Variants in TMEM217 observed in about 807,000 individuals in gnomAD.
TMEM217 encodes transmembrane protein 217.
For missense variants in TMEM217, 204 were observed against 248.8 expected (o/e 0.82, Z 1.21); for synonymous variants, 76 against 88.3 (o/e 0.86, Z 0.78).
intron 1 of TMEM217, among the ~76,000 whole-genome samples, chr6:37,237,271 G>C (rs1172010799): frequency 1.3e-5 from 2 of 152,270 alleles, no homozygotes; most frequent in African/African-American, 4.8e-5. Context: ...GGAAACAAAA[G>C]TCATCATGAC....
chr6:37,251,428 G>A (rs6933701), intron 1 of TMEM217, among the ~76,000 whole-genome samples: 4,852 of 143,448 alleles, frequency 0.034, 246 homozygotes, highest in African/African-American at 0.12. Context: ...TGTTGAATGA[G>A]CAATGCTCAA....
chr6:37,223,257 C>A (rs1763645125), intron 1 of TMEM217, among the ~76,000 whole-genome samples: 1 of 151,894 alleles, frequency 6.6e-6, no homozygotes, highest in Admixed American at 6.6e-5. Flanking sequence ...TGCACAGATT[C>A]AAGAAACCTA....
downstream of TMEM217, among the ~76,000 whole-genome samples, chr6:37,216,022 TGTGTGTGTGTGA>T (rs1308713931): frequency 1.2e-4 from 10 of 86,324 alleles, no homozygotes; most frequent in Admixed American, 1.2e-3. Context: ...TGTGTGTGTG[TGTGTGTGTGTGA>T]GAAACAGATA....
chr6:37,219,183 A>C, intron 1 of TMEM217, 142 bp from the exon 2 acceptor site: 2 of 735,196 alleles, frequency 2.7e-6, no homozygotes, highest in Non-Finnish European at 4.4e-6. Context: ...CCTTGGGAAG[A>C]CACAGGCTGT....
chr6:37,212,808 G>A (rs1762982602), downstream of TMEM217: 1 of 804,826 alleles, frequency 1.2e-6, no homozygotes, highest in African/African-American at 1.7e-5. Context: ...TAGCCCTGTG[G>A]AACAGGGTCC....
chr6:37,246,841 C>T (rs1010953132), intron 1 of TMEM217, among the ~76,000 whole-genome samples: 4 of 151,260 alleles, frequency 2.6e-5, no homozygotes, highest in Admixed American at 1.3e-4. Context: ...AGGTCAAGGC[C>T]GCAGTGAGCC....
In TMEM217 at chr6:37,257,843, C is replaced by A; in HGVS notation, c.-287G>T. The A allele has an allele frequency of 6.5e-7, 1 of 1,539,116 alleles. No individual in the cohort carries two copies. ...CGGGGAAGCGGCCTGGGTTGGCCCT[C>A]AGATTGCGGGGTCTGGGGGCATCTC... On this transcript the variant is annotated 5_prime_UTR_variant, in exon 1 of 2. The change abolishes the stop of an existing upstream ORF in the 5' untranslated region. Transcript: ENST00000357219.
At chr6:37,254,099 A>G (rs1224699323) in intron 1 of TMEM217, among the ~76,000 whole-genome samples, 4 of 152,230 alleles carry the variant, frequency 2.6e-5, no homozygotes, top group African/African-American at 9.6e-5. Flanking sequence ...TAGTAACAGA[A>G]GATCTATAAA....
chr6:37,232,364 T>C (rs990056103), intron 1 of TMEM217, among the ~76,000 whole-genome samples: 11 of 152,292 alleles, frequency 7.2e-5, no homozygotes, highest in African/African-American at 2.2e-4. Flanking sequence ...CCCTATGCAA[T>C]AGTTTTTTCT....
chr6:37,249,366 T>C (rs1765268307), intron 1 of TMEM217, among the ~76,000 whole-genome samples: 1 of 152,160 alleles, frequency 6.6e-6, no homozygotes, highest in Non-Finnish European at 1.5e-5. Flanking sequence ...GTTGCCTACG[T>C]TGGAGTGCAG....
At chr6:37,257,220 T>A (rs1049476006) in intron 1 of TMEM217, among the ~76,000 whole-genome samples, 1 of 152,218 alleles carries the variant, frequency 6.6e-6, no homozygotes, top group African/African-American at 2.4e-5. Flanking sequence ...GCACAAGTCC[T>A]TCAATCGTTT....
At chr6:37,257,196 A>G (rs1583507225) in intron 1 of TMEM217, among the ~76,000 whole-genome samples, 1 of 152,350 alleles carries the variant, frequency 6.6e-6, no homozygotes, top group African/African-American at 2.4e-5. Flanking sequence ...GATCATTTGA[A>G]TTTTTAACCC....
intron 1 of TMEM217, among the ~76,000 whole-genome samples, chr6:37,231,671 CAAA>C (rs1216609836): frequency 1.7e-5 from 1 of 60,398 alleles, no homozygotes; most frequent in African/African-American, 6.2e-5. Flanking sequence ...GACTCCATCT[CAAA>C]AAAAAAAAAA....
intron 1 of TMEM217, among the ~76,000 whole-genome samples, chr6:37,230,100 G>A (rs184458142): frequency 1.3e-5 from 2 of 152,290 alleles, no homozygotes; most frequent in Non-Finnish European, 2.9e-5. Flanking sequence ...CCTCCTTCCA[G>A]GCCTTGCTCC....
chr6:37,244,431 G>T (rs540557386), intron 1 of TMEM217, among the ~76,000 whole-genome samples: 1 of 152,346 alleles, frequency 6.6e-6, no homozygotes, highest in South Asian at 2.1e-4. Flanking sequence ...TTATTTTCCA[G>T]CTACACTTAT....
chr6:37,240,201 A>G (rs1426239443), intron 1 of TMEM217, among the ~76,000 whole-genome samples: 2 of 152,248 alleles, frequency 1.3e-5, no homozygotes, highest in Non-Finnish European at 2.9e-5. Flanking sequence ...AACATTTATT[A>G]TCTCATAATT....
chr6:37,235,486 C>T (rs564274221), intron 1 of TMEM217, among the ~76,000 whole-genome samples: 5 of 152,264 alleles, frequency 3.3e-5, no homozygotes, highest in African/African-American at 1.2e-4. Flanking sequence ...CTGCCTCAGC[C>T]TCCTGAGTAG....
At chr6:37,227,640 T>A (rs866178577) in intron 1 of TMEM217, among the ~76,000 whole-genome samples, 1 of 152,072 alleles carries the variant, frequency 6.6e-6, no homozygotes, top group Non-Finnish European at 1.5e-5. Context: ...GAGGTGGGGT[T>A]TCATCATGCT....
chr6:37,235,900 C>T (rs1351836180), intron 1 of TMEM217, among the ~76,000 whole-genome samples: 3 of 152,282 alleles, frequency 2.0e-5, no homozygotes, highest in Non-Finnish European at 4.4e-5. Flanking sequence ...GTCCCTATCT[C>T]TTAATACCAC....
Sources: allele counts gnomAD v4.1 joint callset (sites outside exome capture counted in the v4.1 genomes callset), GRCh38; gene constraint gnomAD v4.1.1; transcripts MANE v1.5; gene names NCBI Gene and HGNC (gene_info 2026-07-23, HGNC 2026-07-21).